DSCAM: variants seen among roughly 807,000 people sequenced by gnomAD.
DSCAM encodes cell adhesion molecule DSCAM.
In DSCAM, 47 loss-of-function variants were observed where a neutral mutation model predicts 217.7. That is an observed-to-expected ratio of 0.22 (90% CI 0.17 to 0.28). The LOEUF (loss-of-function observed/expected upper bound fraction) is 0.28. Among genes scored for constraint, DSCAM ranks in the 10% least tolerant of loss-of-function variants. The pLI is 1.00. For missense variants in DSCAM, 2,080 were observed against 2,618.3 expected, an observed-to-expected ratio of 0.79 and a Z score of 4.49; for synonymous variants, 1,056 against 1,015.3, an observed-to-expected ratio of 1.04 and a Z score of -0.76.
At chr21:40,691,203 C>A (rs1342128269) in intron 3 of DSCAM, among the ~76,000 whole-genome samples, 1 of 152,200 alleles carries the variant, frequency 6.6e-6, no homozygotes, top group Non-Finnish European at 1.5e-5. Context: ...CTTGCTTTGG[C>A]CAATTAAATA....
intron 21 of DSCAM, among the ~76,000 whole-genome samples, chr21:40,089,190 G>A (rs569980416): frequency 9.9e-5 from 15 of 152,208 alleles, no homozygotes; most frequent in South Asian, 8.3e-4. Context: ...CATTTTAGAC[G>A]GCTGAAATTT....
chr21:40,357,372 A>T (rs2123661706), intron 4 of DSCAM, among the ~76,000 whole-genome samples: 1 of 152,318 alleles, frequency 6.6e-6, no homozygotes, highest in East Asian at 1.9e-4. Flanking sequence ...CCAAGAATCC[A>T]GAAAAATGGT....
chr21:40,790,371 G>A (rs914737367), intron 1 of DSCAM, among the ~76,000 whole-genome samples: 3 of 151,912 alleles, frequency 2.0e-5, no homozygotes, highest in Non-Finnish European at 4.4e-5. Flanking sequence ...TAGTAGAGAC[G>A]GGGTTTCGCC....
intron 26 of DSCAM, 139 bp downstream of exon 26, chr21:40,078,548 A>G (rs2089402153): frequency 2.7e-6 from 3 of 1,117,166 alleles, no homozygotes; most frequent in Admixed American, 5.5e-5. Context: ...GACAGAGTCC[A>G]TTGAATCCCG....
chr21:40,451,077 G>A (rs1054876907), intron 3 of DSCAM, among the ~76,000 whole-genome samples: 4 of 152,156 alleles, frequency 2.6e-5, no homozygotes, highest in Non-Finnish European at 1.5e-5. Flanking sequence ...GTTGGGGGCA[G>A]GAAGGCCAAA....
chr21:40,683,725 T>A (rs1601847581), intron 3 of DSCAM, among the ~76,000 whole-genome samples: 4 of 152,048 alleles, frequency 2.6e-5, no homozygotes, highest in Admixed American at 2.6e-4. Context: ...GGCTGAGCCA[T>A]GAAGGAGGTA....
chr21:40,060,073 C>T (rs1196938513), intron 28 of DSCAM, among the ~76,000 whole-genome samples: 1 of 152,182 alleles, frequency 6.6e-6, no homozygotes, highest in Non-Finnish European at 1.5e-5. Context: ...CCATACAAAT[C>T]CACCTATTGG....
chr21:40,416,756 G>A (rs1279567734), intron 3 of DSCAM, among the ~76,000 whole-genome samples: 1 of 152,082 alleles, frequency 6.6e-6, no homozygotes, highest in Admixed American at 6.5e-5. Context: ...ATATGTCTAG[G>A]AGAGGTATTA....
At chr21:40,066,724 C>G (rs773789992) in intron 27 of DSCAM, among the ~76,000 whole-genome samples, 35 of 152,184 alleles carry the variant, frequency 2.3e-4, no homozygotes, top group Non-Finnish European at 4.9e-4. Context: ...TTAGCTTCCC[C>G]ACCAGGATGT....
chr21:40,378,915 A>T (rs1254239178), intron 3 of DSCAM, among the ~76,000 whole-genome samples: 1 of 151,514 alleles, frequency 6.6e-6, no homozygotes, highest in African/African-American at 2.4e-5. Context: ...TTATACATAA[A>T]CCTGAATGCC....
intron 26 of DSCAM, among the ~76,000 whole-genome samples, chr21:40,076,008 A>G (rs1354275801): frequency 6.6e-6 from 1 of 152,164 alleles, no homozygotes; most frequent in Non-Finnish European, 1.5e-5. Flanking sequence ...CCTCCATTAT[A>G]TAAGATGCTC....
chr21:40,277,055 C>G (rs750394654), intron 10 of DSCAM, among the ~76,000 whole-genome samples: 29 of 152,120 alleles, frequency 1.9e-4, no homozygotes, highest in Non-Finnish European at 4.0e-4. Context: ...CTGGATGAAC[C>G]TGCCATGCTG....
In DSCAM at chr21:40,453,096, T is replaced by TGTGTGTGTG. The variant is rs1463089787; in HGVS notation, c.509-83852_509-83851insCACACACAC. Among the ~76,000 whole-genome samples the TGTGTGTGTG allele has an allele frequency of 5.3e-5, 7 of 131,260 alleles. No homozygotes were observed. The South Asian group carries it at 1.8e-3, about 35-fold the overall frequency. The allele number at this position is 131,260 out of a possible 152,430, so 86.1% of individuals were successfully genotyped here. A position where few individuals can be genotyped will look rare whatever the true frequency, so the allele number is the denominator to read the frequency against. ...TGTGTGTGTGTGTGTGTGTGTGAGA[T>TGTGTGTGTG]ATATGTGTATATCTACACATACATG... On this transcript the variant is annotated intron_variant, in intron 3 of 32. Coordinates refer to ENST00000400454, the MANE Select transcript of DSCAM (RefSeq NM_001389.5).
chr21:40,330,340 TA>T (rs1325839252), intron 8 of DSCAM, among the ~76,000 whole-genome samples: 1 of 146,914 alleles, frequency 6.8e-6, no homozygotes, highest in Non-Finnish European at 1.5e-5. Context: ...ATTATATGCA[TA>T]TATTTATATA....
chr21:40,201,906 T>C (rs2091074186), intron 11 of DSCAM, among the ~76,000 whole-genome samples: 1 of 152,168 alleles, frequency 6.6e-6, no homozygotes, highest in South Asian at 2.1e-4. Flanking sequence ...CAAAAATATA[T>C]TATGAGCCAT....
At chr21:40,772,789 T>C (rs2091457488) in intron 1 of DSCAM, among the ~76,000 whole-genome samples, 1 of 152,248 alleles carries the variant, frequency 6.6e-6, no homozygotes. Context: ...CGTCCTCTCG[T>C]GGCTGCCACC....
At chr21:40,088,032 C>T (rs1286572457) in intron 21 of DSCAM, among the ~76,000 whole-genome samples, 3 of 152,180 alleles carry the variant, frequency 2.0e-5, no homozygotes, top group Admixed American at 1.3e-4. Flanking sequence ...ACAGGGACAC[C>T]ACACACAAGT....
At chr21:40,451,454 T>G (rs1326909710) in intron 3 of DSCAM, among the ~76,000 whole-genome samples, 2 of 152,140 alleles carry the variant, frequency 1.3e-5, no homozygotes, top group African/African-American at 4.8e-5. Flanking sequence ...ATGAGATAAT[T>G]GAGTGTTTCT....
At chr21:40,331,344 A>C (rs1354764997) in intron 8 of DSCAM, among the ~76,000 whole-genome samples, 1 of 152,094 alleles carries the variant, frequency 6.6e-6, no homozygotes, top group Non-Finnish European at 1.5e-5. Flanking sequence ...GCGAGATGAC[A>C]TTTGTTCCCA....
Sources: gnomAD v4.1 joint callset for allele counts (sites outside exome capture counted in the v4.1 genomes callset) on GRCh38, gnomAD v4.1.1 for gene constraint, MANE v1.5 for transcripts, NCBI Gene and HGNC (gene_info 2026-07-23, HGNC 2026-07-21) for gene names.